CORO1C: variants seen among roughly 807,000 people sequenced by gnomAD.
CORO1C encodes coronin 1C, also known as coronin-1C.
A neutral mutation model predicts 51.2 loss-of-function variants in CORO1C; 14 were observed. That is an observed-to-expected ratio of 0.27 (90% CI 0.18 to 0.43). The LOEUF (loss-of-function observed/expected upper bound fraction) is 0.43. Among genes scored for constraint, CORO1C ranks in the 20% least tolerant of loss-of-function variants. The probability of loss-of-function intolerance (pLI) is 1.00; values close to 1 mark genes in which losing one functional copy is unlikely to be tolerated. For synonymous variants in CORO1C, 181 were observed against 210.5 expected, an observed-to-expected ratio of 0.86 and a Z score of 1.21; for missense variants, 417 against 607.8, an observed-to-expected ratio of 0.69 and a Z score of 3.30.
At position 108,701,319 on chromosome 12, in the gene CORO1C, C is replaced by T. The variant is rs149378019; in HGVS notation, c.-1G>A. 13 of 1,614,014 alleles carry T rather than the reference C, an allele frequency of 8.1e-6. No homozygotes were observed. The highest frequency in any genetic ancestry group is 1.3e-5 in the African/African-American group (1 of 74,916). Reference sequence around the variant, plus strand: ...TGCTCTGTCGTACCACTCGCCTCATCGTGTCTGCAAAGGAAGAGTGAGAAT... The same window carrying T: ...TGCTCTGTCGTACCACTCGCCTCATTGTGTCTGCAAAGGAAGAGTGAGAAT... On this transcript the variant is annotated 5_prime_UTR_variant, in exon 2 of 11. Coordinates refer to ENST00000261401, the MANE Select transcript of CORO1C (RefSeq NM_014325.4).
intron 3 of CORO1C, among the ~76,000 whole-genome samples, chr12:108,674,515 T>C (rs1317747832): frequency 7.0e-6 from 1 of 143,390 alleles, no homozygotes; most frequent in Non-Finnish European, 1.5e-5. Flanking sequence ...ACCACTGCGC[T>C]CCAGCCTGGG....
intron 1 of CORO1C, among the ~76,000 whole-genome samples, chr12:108,713,628 T>C (rs549392241): frequency 6.6e-6 from 1 of 152,162 alleles, no homozygotes; most frequent in Non-Finnish European, 1.5e-5. Flanking sequence ...CCAAAGCTCA[T>C]CAATTCCAGG....
At chr12:108,722,763 T>A (rs940295812) in intron 1 of CORO1C, among the ~76,000 whole-genome samples, 2 of 152,238 alleles carry the variant, frequency 1.3e-5, no homozygotes, top group Non-Finnish European at 2.9e-5. Context: ...TCTGGGCTCT[T>A]GCTCATTCAC....
rs551592729 is a variant in CORO1C at position 108,680,992 on chromosome 12, C to A, written c.196-2598G>T. On this transcript the variant is annotated intron_variant, in intron 2 of 10. Transcript: ENST00000261401. ...ACAGTAACTCTTTTGAATGTGTGCT[C>A]TCTTTCTCCTTCCTTTCTTTCTCTC... is the stretch of plus-strand genomic sequence containing the variant. Among the ~76,000 whole-genome samples, 21 of 152,312 alleles carry A rather than the reference C, an allele frequency of 1.4e-4. 1 individual carries two copies. Among genetic ancestry groups the A allele is most frequent in the African/African-American group, 5.1e-4 (21 of 41,568 alleles).
At chr12:108,708,373 C>G (rs892470372) in intron 1 of CORO1C, among the ~76,000 whole-genome samples, 5 of 151,816 alleles carry the variant, frequency 3.3e-5, no homozygotes, top group African/African-American at 1.2e-4. Context: ...ATGAAAGAAA[C>G]CAGTCACAAA....
At chr12:108,714,733 A>G (rs1565937280) in intron 1 of CORO1C, among the ~76,000 whole-genome samples, 1 of 152,208 alleles carries the variant, frequency 6.6e-6, no homozygotes, top group Non-Finnish European at 1.5e-5. Flanking sequence ...ACTGCACTCC[A>G]GCCTGGGGGA....
intron 2 of CORO1C, among the ~76,000 whole-genome samples, chr12:108,691,828 A>G (rs1412916087): frequency 6.6e-6 from 1 of 152,068 alleles, no homozygotes. Context: ...CTGCCTGCTC[A>G]TCTCCAGGGG....
chr12:108,654,727 G>A (rs1165211363), intron 6 of CORO1C, among the ~76,000 whole-genome samples: 2 of 149,948 alleles, frequency 1.3e-5, no homozygotes, highest in Non-Finnish European at 3.0e-5. Context: ...TTTAAAGACT[G>A]AGTCTCCCTC....
intron 2 of CORO1C, among the ~76,000 whole-genome samples, chr12:108,697,678 ATATTTCTTCTTCGAGGCTG>A (rs1459459993): frequency 6.6e-6 from 1 of 152,170 alleles, no homozygotes; most frequent in Non-Finnish European, 1.5e-5. Flanking sequence ...AGTCCCCATC[ATATTTCTTCTTCGAGGCTG>A]TACTTCTAAT....
At chr12:108,670,088 C>G (rs2033656966) in intron 3 of CORO1C, among the ~76,000 whole-genome samples, 1 of 152,088 alleles carries the variant, frequency 6.6e-6, no homozygotes, top group Non-Finnish European at 1.5e-5. Flanking sequence ...TCCGAAGTCC[C>G]TCCGTAAAAA....
chr12:108,655,988 C>T (rs1253617088), intron 6 of CORO1C, among the ~76,000 whole-genome samples: 7 of 149,854 alleles, frequency 4.7e-5, no homozygotes, highest in African/African-American at 1.2e-4. Context: ...GCCTCTGCTC[C>T]GCCGCCCCGT....
At chr12:108,675,424 A>G (rs891879275) in intron 3 of CORO1C, among the ~76,000 whole-genome samples, 1 of 152,174 alleles carries the variant, frequency 6.6e-6, no homozygotes, top group Non-Finnish European at 1.5e-5. Flanking sequence ...CGGCTTTGAG[A>G]TAAGAATTAT....
chr12:108,705,150 T>G (rs911662045), intron 1 of CORO1C, among the ~76,000 whole-genome samples: 1 of 152,156 alleles, frequency 6.6e-6, no homozygotes, highest in Non-Finnish European at 1.5e-5. Context: ...TGAGCCTCAG[T>G]TTCCCATTCA....
chr12:108,679,156 G>A (rs375508697), intron 2 of CORO1C, among the ~76,000 whole-genome samples: 3,627 of 53,918 alleles, frequency 0.067, no homozygotes, highest in Non-Finnish European at 0.078. Flanking sequence ...AAAAAAAAAA[G>A]AAATTTAAAA....
chr12:108,706,079 C>T (rs1050227299), intron 1 of CORO1C, among the ~76,000 whole-genome samples: 2 of 149,400 alleles, frequency 1.3e-5, no homozygotes, highest in Non-Finnish European at 3.0e-5. Flanking sequence ...CCCAGCTACT[C>T]GGGAGGCAGA....
intron 3 of CORO1C, among the ~76,000 whole-genome samples, chr12:108,662,788 T>A (rs1477230898): frequency 6.6e-6 from 1 of 152,130 alleles, no homozygotes; most frequent in Non-Finnish European, 1.5e-5. Flanking sequence ...TTTTATAACA[T>A]GTATTATAGA....
At chr12:108,707,991 GA>G (rs1565933616) in intron 1 of CORO1C, among the ~76,000 whole-genome samples, 7 of 152,188 alleles carry the variant, frequency 4.6e-5, no homozygotes, top group African/African-American at 1.7e-4. Context: ...AAGGGTTGAT[GA>G]GAATATAGAC....
At chr12:108,717,193 G>A (rs1391542011) in intron 1 of CORO1C, among the ~76,000 whole-genome samples, 1 of 152,196 alleles carries the variant, frequency 6.6e-6, no homozygotes, top group Non-Finnish European at 1.5e-5. Context: ...AGTCCCAGCT[G>A]GGAGGAACAA....
At chr12:108,712,913 TAA>T (rs142742201) in intron 1 of CORO1C, among the ~76,000 whole-genome samples, 1,578 of 128,038 alleles carry the variant, frequency 0.012, 30 homozygotes, top group African/African-American at 0.043. Context: ...CATGTCTCTT[TAA>T]AAAAAAAAAA....
Sources: gnomAD v4.1 joint callset for allele counts (sites outside exome capture counted in the v4.1 genomes callset) on GRCh38, gnomAD v4.1.1 for gene constraint, MANE v1.5 for transcripts, NCBI Gene and HGNC (gene_info 2026-07-23, HGNC 2026-07-21) for gene names.